SLC35B1: variants seen among roughly 807,000 people sequenced by gnomAD.
SLC35B1 encodes the protein ATP/ADP exchanger ER.
In SLC35B1, 27 loss-of-function variants were observed where a neutral mutation model predicts 36.6. That is an observed-to-expected ratio of 0.74 (90% CI 0.54 to 1.02). The LOEUF (loss-of-function observed/expected upper bound fraction) is 1.02, where lower values mean the gene tolerates loss of function less well. SLC35B1 is among the 50% of genes least tolerant of loss of function. SLC35B1 has a pLI of 0.00. For missense variants in SLC35B1, 321 were observed against 383.2 expected (o/e 0.84, Z 1.35); for synonymous variants, 162 against 152.5 (o/e 1.06, Z -0.46).
chr17:49,706,366 G>GAAAAAAAAAAAAAAAAAAAAAAAAAA lies in SLC35B1; in HGVS notation c.209-33_209-32insTTTTTTTTTTTTTTTTTTTTTTTTTT. On this transcript the variant is annotated intron_variant, in intron 2 of 8. Transcript: ENST00000240333. ...GAAGACAAAAAAAAAAAAAAAAAAA[G>GAAAAAAAAAAAAAAAAAAAAAAAAAA]AAAAGAAAAGAAAAAAAAAAAAAAA... 4 of 455,180 alleles carry GAAAAAAAAAAAAAAAAAAAAAAAAAA rather than the reference G, an allele frequency of 8.8e-6. No homozygotes were observed. The South Asian group carries it at 1.8e-4, about 20-fold the overall frequency. 28.2% of individuals were successfully genotyped at this position (455,180 alleles called of 1,614,324 possible).
rs1396595311 is a variant in SLC35B1, at chr17:49,701,375, C to T, written c.*83G>A. The T allele has an allele frequency of 9.3e-7, 1 of 1,075,970 alleles. No homozygotes were observed. The highest frequency in any genetic ancestry group is 1.4e-6 in the Non-Finnish European group (1 of 696,292). The allele number at this position is 1,075,970 out of a possible 1,614,324, so 66.7% of individuals were successfully genotyped here. A position where few individuals can be genotyped will look rare whatever the true frequency, so the allele number is the denominator to read the frequency against. ...AAGACTGGAACTCAGTCCCATATTC[C>T]TATTAAGTCCATTTTCCCAAGAGAT... On this transcript the variant is annotated 3_prime_UTR_variant, in exon 9 of 9. Coordinates refer to ENST00000240333, the MANE Select transcript of SLC35B1 (RefSeq NM_005827.4).
At chr17:49,705,965 C>T in intron 3 of SLC35B1, 69 bp from the exon 4 acceptor site, 1 of 1,519,330 alleles carries the variant, frequency 6.6e-7, no homozygotes, top group South Asian at 1.1e-5. Context: ...AGGTACCGCA[C>T]TGATTAAGAT....
rs1389471011 is a variant in SLC35B1, at chr17:49,701,322, G to A, written c.*136C>T. ...TCCAAGTGCATTTTTTAGAATATGT[G>A]ATTTTGCTTGATTTTATTTTATTAA... On this transcript the variant is annotated 3_prime_UTR_variant, in exon 9 of 9. Transcript: ENST00000240333. 1 of 683,656 alleles carries A rather than the reference G, an allele frequency of 1.5e-6. No individual in the cohort carries two copies. Among genetic ancestry groups the A allele is most frequent in the Non-Finnish European group, 2.5e-6 (1 of 397,462 alleles). The allele number at this position is 683,656 out of a possible 1,614,324, so 42.3% of individuals were successfully genotyped here.
intron 3 of SLC35B1, 123 bp downstream of exon 3, chr17:49,706,081 A>T: frequency 7.3e-7 from 1 of 1,360,614 alleles, no homozygotes; most frequent in Non-Finnish European, 1.0e-6. Flanking sequence ...ATACACTCCC[A>T]ATGTCTTACA....
At position 49,707,732 on chromosome 17, in the gene SLC35B1, C is replaced by T. The variant is rs1371719324; in HGVS notation, c.102G>A (p.Lys34=). 4 of 1,611,628 alleles carry T rather than the reference C, an allele frequency of 2.5e-6. No individual in the cohort carries two copies. Among genetic ancestry groups the T allele is most frequent in the Admixed American group, 1.7e-5 (1 of 59,996 alleles). The change falls in exon 1 of 9, where the codon AAG becomes AAA. Residue 34 remains lysine (K), a splice_region_variant and synonymous_variant. Coordinates refer to ENST00000240333, the MANE Select transcript of SLC35B1 (RefSeq NM_005827.4). ...GGCCCGCCCCCGGGGTCGCTCACATCTTTTCCTGCAGGATCCCATAGTAAA... is the reference window on the plus strand; with the variant it reads ...GGCCCGCCCCCGGGGTCGCTCACATTTTTTCCTGCAGGATCCCATAGTAAA... ...CYFYYGILQE[K]ITRGKYGEGA...
chr17:49,707,967 C>A, upstream of SLC35B1: 3 of 1,527,586 alleles, frequency 2.0e-6, no homozygotes, highest in African/African-American at 1.4e-5. Flanking sequence ...CGACCGCTGT[C>A]CAGCAGGGCC....
chr17:49,701,727 T>C, intron 8 of SLC35B1: 2 of 504,518 alleles, frequency 4.0e-6, no homozygotes, highest in Non-Finnish European at 7.1e-6. Flanking sequence ...AATATATCTA[T>C]ATAGAGATAC....
chr17:49,704,336 G>C, intron 5 of SLC35B1, 110 bp from the exon 6 acceptor site: 2 of 1,372,650 alleles, frequency 1.5e-6, no homozygotes, highest in Non-Finnish European at 2.0e-6. Flanking sequence ...TGCCTTTAAA[G>C]TCCTCAGAAC....
chr17:49,707,454 G>A (rs2073433913), intron 1 of SLC35B1: 3 of 1,470,588 alleles, frequency 2.0e-6, no homozygotes, highest in South Asian at 1.2e-5. Context: ...CCTGTTTGAG[G>A]AATAGAAGTC....
Position 49,701,105 on chromosome 17 carries a change from C to T in SLC35B1, c.*353G>A, listed in dbSNP as rs949036159. The T allele has an allele frequency of 4.4e-5, 9 of 205,278 alleles. No homozygotes were observed. The highest frequency in any genetic ancestry group is 2.1e-4 in the Admixed American group (4 of 19,230). The allele number at this position is 205,278 out of a possible 1,614,324, so 12.7% of individuals were successfully genotyped here. ...AACAGAAGCCATTAGCACAATTCTG[C>T]GATCTCACAGAGTTCCTCCCTATAA... On this transcript the variant is annotated 3_prime_UTR_variant, in exon 9 of 9. Transcript: ENST00000240333.
intron 4 of SLC35B1, 125 bp downstream of exon 4, chr17:49,705,741 G>C: frequency 1.1e-6 from 1 of 891,918 alleles, no homozygotes; most frequent in South Asian, 1.4e-5. Flanking sequence ...AGGGAGAGCT[G>C]GGGGAAAGTC....
At chr17:49,705,021 A>G in intron 5 of SLC35B1, 103 bp downstream of exon 5, 1 of 1,186,514 alleles carries the variant, frequency 8.4e-7, no homozygotes, top group Non-Finnish European at 1.2e-6. Flanking sequence ...AAGGAGCACC[A>G]CAACCTCCCT....
At chr17:49,702,806 A>C (rs2143646638) in intron 8 of SLC35B1, 52 bp downstream of exon 8, 1 of 1,540,690 alleles carries the variant, frequency 6.5e-7, no homozygotes, top group Admixed American at 2.1e-5. Context: ...TATACAAGTA[A>C]ATTTTAGGAG....
Position 49,702,874 on chromosome 17 carries a change from A to G in SLC35B1, c.900T>C (p.Thr300=). The change falls in exon 8 of 9, where the codon ACT becomes ACC. Residue 300 remains threonine (T), a synonymous_variant. Coordinates refer to ENST00000240333, the MANE Select transcript of SLC35B1 (RefSeq NM_005827.4). ...NPISPMQWVG[T]VLVFLGLGLD... ...GCCACTTACCCAGGAACACAAGCAC[A>G]GTGCCCACCCACTGCATGGGGCTGA... is the stretch of plus-strand genomic sequence containing the variant. 1 of 1,614,144 alleles carries G rather than the reference A, an allele frequency of 6.2e-7. No homozygotes were observed. The highest frequency in any genetic ancestry group is 8.5e-7 in the Non-Finnish European group (1 of 1,179,974).
rs1242321217 is a variant in SLC35B1 at position 49,706,316 on chromosome 17, G to GC, written c.226_227insG (p.Thr76SerfsTer42). On this transcript the variant is annotated frameshift_variant, in exon 3 of 9. Coordinates refer to ENST00000240333, the MANE Select transcript of SLC35B1 (RefSeq NM_005827.4). LOFTEE classifies it high-confidence loss of function. ...GCTCCGGGTACGATCCACCCTGGCAGTGTCAAAAAACTGGATCACTGGGAG... is the reference window on the plus strand; with the variant it reads ...GCTCCGGGTACGATCCACCCTGGCAGCTGTCAAAAAACTGGATCACTGGGAG... 5 of 1,350,786 alleles carry GC rather than the reference G, an allele frequency of 3.7e-6. No homozygotes were observed. The highest frequency in any genetic ancestry group is 1.3e-5 in the South Asian group (1 of 75,586). The allele number at this position is 1,350,786 out of a possible 1,614,324, so 83.7% of individuals were successfully genotyped here.
rs749864581 is a variant in SLC35B1, at chr17:49,707,760, T to C, written c.74A>G (p.Tyr25Cys). The change falls in exon 1 of 9, where the codon TAT becomes TGT. Residue 25 changes from tyrosine (Y) to cysteine (C), a missense_variant. By Grantham distance (194) the Tyr-to-Cys change is radical (BLOSUM62 -2). Transcript: ENST00000240333. ...PLCFLGVFVCYFYYGILQEKI... is the reference protein window; with the variant it reads ...PLCFLGVFVCCFYYGILQEKI... ...TTCCTGCAGGATCCCATAGTAAAAATAGCAGACAAAGACACCCAGGAAGCA... is the reference window on the plus strand; with the variant it reads ...TTCCTGCAGGATCCCATAGTAAAAACAGCAGACAAAGACACCCAGGAAGCA... The C allele has an allele frequency of 6.2e-7, 1 of 1,611,832 alleles. No homozygotes were observed. Among genetic ancestry groups the C allele is most frequent in the Non-Finnish European group, 8.5e-7 (1 of 1,179,816 alleles).
At chr17:49,706,041 AC>A (rs2073411522) in intron 3 of SLC35B1, 145 bp from the exon 4 acceptor site, 10 of 1,274,162 alleles carry the variant, frequency 7.8e-6, no homozygotes, top group Non-Finnish European at 9.8e-6. Context: ...GGCCCAACCC[AC>A]CACCACTAAA....
At chr17:49,706,377 A>C in intron 2 of SLC35B1, 43 bp from the exon 3 acceptor site, 186 of 837,642 alleles carry the variant, frequency 2.2e-4, no homozygotes, top group Middle Eastern at 4.7e-4. Flanking sequence ...AAAAGAAAAG[A>C]AAAAAAAAAA....
intron 2 of SLC35B1, 42 bp downstream of exon 2, chr17:49,706,923 G>T: frequency 7.2e-7 from 1 of 1,395,590 alleles, no homozygotes; most frequent in Non-Finnish European, 1.0e-6. Flanking sequence ...GAGGGAACTT[G>T]GGGTGGTGGG....
Sources: gnomAD v4.1 joint callset for allele counts on GRCh38, gnomAD v4.1.1 for gene constraint, MANE v1.5 for transcripts, NCBI Gene and HGNC (gene_info 2026-07-23, HGNC 2026-07-21) for gene names.